Variants in APBA2 observed in about 807,000 individuals in gnomAD.
The protein encoded by APBA2 is amyloid beta precursor protein binding family A member 2, also known as amyloid-beta A4 precursor protein-binding family A member 2.
APBA2 carries 30 observed loss-of-function variants against 75.0 expected under a neutral mutation model. The ratio of observed to expected loss-of-function variants is 0.40; its 90% CI spans 0.30 to 0.54. APBA2 has a LOEUF of 0.54. APBA2 is among the 20% of genes least tolerant of loss of function. APBA2 has a pLI of 0.49. For synonymous variants in APBA2, 444 were observed against 409.6 expected (o/e 1.08, Z -1.01); for missense variants, 801 against 1,016.1 (o/e 0.79, Z 2.88).
intron 2 of APBA2, among the ~76,000 whole-genome samples, chr15:28,960,360 G>A: frequency 6.6e-6 from 1 of 151,896 alleles, no homozygotes; most frequent in Non-Finnish European, 1.5e-5. Flanking sequence ...GCTACTTAGA[G>A]GCTGAGGCAG....
At chr15:29,096,196 C>T (rs909614195) in intron 8 of APBA2, among the ~76,000 whole-genome samples, 1 of 152,234 alleles carries the variant, frequency 6.6e-6, no homozygotes, top group African/African-American at 2.4e-5. Context: ...CATCCACAGA[C>T]ATGCCGAGGC....
At chr15:29,068,564 C>A (rs1017876547) in intron 4 of APBA2, among the ~76,000 whole-genome samples, 4 of 152,226 alleles carry the variant, frequency 2.6e-5, no homozygotes, top group Admixed American at 2.6e-4. Context: ...ATGGGCGGAG[C>A]TCCCACCTTC....
chr15:29,091,201 A>C (rs2043553940), intron 6 of APBA2, among the ~76,000 whole-genome samples: 1 of 152,150 alleles, frequency 6.6e-6, no homozygotes, highest in South Asian at 2.1e-4. Flanking sequence ...CTCCAGGGCA[A>C]GGGGTGAATG....
At chr15:29,116,239 C>T (rs1008061449) in intron 14 of APBA2, among the ~76,000 whole-genome samples, 6 of 152,112 alleles carry the variant, frequency 3.9e-5, no homozygotes, top group African/African-American at 7.2e-5. Context: ...ATTTGCTCAC[C>T]GATCCCCAAA....
chr15:29,105,328 C>A, intron 10 of APBA2, 51 bp from the exon 11 acceptor site: 1 of 1,571,534 alleles, frequency 6.4e-7, no homozygotes, highest in Non-Finnish European at 8.6e-7. Context: ...GAGGAGGCTG[C>A]GGGGAGCCTG....
chr15:28,984,636 C>T (rs2037802207), intron 2 of APBA2, among the ~76,000 whole-genome samples: 1 of 151,868 alleles, frequency 6.6e-6, no homozygotes, highest in South Asian at 2.1e-4. Context: ...TCTGGGTGTC[C>T]CCCACTGCCA....
intron 8 of APBA2, 89 bp downstream of exon 8, chr15:29,094,402 G>A (rs1219239366): frequency 2.4e-5 from 31 of 1,268,596 alleles, no homozygotes; most frequent in Non-Finnish European, 3.3e-5. Flanking sequence ...GGGTTCCCCT[G>A]GGGATCTAAA....
intron 1 of APBA2, among the ~76,000 whole-genome samples, chr15:28,902,885 C>A (rs1019900056): frequency 6.6e-6 from 1 of 152,156 alleles, no homozygotes; most frequent in African/African-American, 2.4e-5. Flanking sequence ...CCCATGAAAA[C>A]TGGGGGGTAA....
At chr15:28,892,073 A>T (rs146514483) in intron 1 of APBA2, among the ~76,000 whole-genome samples, 70,006 of 150,762 alleles carry the variant, frequency 0.46, 16,455 homozygotes, top group African/African-American at 0.51. Flanking sequence ...GTTATATATA[A>T]TATATATATA....
At chr15:29,068,928 T>C (rs1202779612) in intron 4 of APBA2, among the ~76,000 whole-genome samples, 1 of 152,226 alleles carries the variant, frequency 6.6e-6, no homozygotes, top group Non-Finnish European at 1.5e-5. Flanking sequence ...TTTATCACAA[T>C]GTTGTGCAAC....
intron 3 of APBA2, among the ~76,000 whole-genome samples, chr15:29,028,961 TG>T (rs908223895): frequency 6.6e-6 from 1 of 152,228 alleles, no homozygotes; most frequent in Non-Finnish European, 1.5e-5. Context: ...GTGGGTTGCC[TG>T]TTTGCTGTGA....
intron 3 of APBA2, among the ~76,000 whole-genome samples, chr15:29,013,268 T>G (rs2039490442): frequency 6.7e-6 from 1 of 148,434 alleles, no homozygotes. Context: ...GGAAAATGAG[T>G]CATTCTTTTT....
rs1030091016 is a variant in APBA2, at chr15:29,076,065, T to C, written c.1043T>C (p.Val348Ala). The C allele has an allele frequency of 6.2e-7, 1 of 1,614,176 alleles. No individual in the cohort carries two copies. The change falls in exon 6 of 15, where the codon GTG becomes GCG. Residue 348 changes from valine (V) to alanine (A), a missense_variant. Physicochemically the swap from Val to Ala is moderately conservative, Grantham distance 64. Around this residue, in one of 2 missense-constraint regions of APBA2, gnomAD observed 434 missense variants for 471.6 expected, o/e 0.92. Transcript: ENST00000683413. ...DNNNIPETKKVASFPSFVAVP... is the reference protein window; with the variant it reads ...DNNNIPETKKAASFPSFVAVP... ...CATATTTCCTAACAGACAAAGAAGG[T>C]GGCATCATTTCCAAGTTTTGTGGCT...
intron 9 of APBA2, among the ~76,000 whole-genome samples, chr15:29,100,997 A>G (rs1459900284): frequency 2.0e-5 from 3 of 152,202 alleles, no homozygotes; most frequent in African/African-American, 7.2e-5. Context: ...GTGGTTCTCA[A>G]CCAGTGTGAT....
intron 2 of APBA2, among the ~76,000 whole-genome samples, chr15:28,923,160 T>C (rs2034067508): frequency 6.6e-6 from 1 of 152,154 alleles, no homozygotes; most frequent in South Asian, 2.1e-4. Flanking sequence ...TTTTAAGATG[T>C]CAAAGAGTTT....
intron 2 of APBA2, among the ~76,000 whole-genome samples, chr15:28,934,101 CG>C (rs1444806138): frequency 1.3e-5 from 2 of 149,926 alleles, no homozygotes; most frequent in Admixed American, 6.7e-5. Flanking sequence ...GGAGAAGAGA[CG>C]GGGGTGGAGG....
intron 3 of APBA2, among the ~76,000 whole-genome samples, chr15:29,031,073 G>A (rs1013307052): frequency 6.6e-6 from 1 of 151,612 alleles, no homozygotes; most frequent in African/African-American, 2.4e-5. Context: ...TGCCATATGA[G>A]CCTTCTTTTT....
chr15:28,892,115 C>CCCAGGCTGGAGTGCAGTGG (rs2032170804), intron 1 of APBA2, among the ~76,000 whole-genome samples: 2 of 152,268 alleles, frequency 1.3e-5, no homozygotes, highest in Non-Finnish European at 2.9e-5. Flanking sequence ...CGCCCTGTCA[C>CCCAGGCTGGAGTGCAGTGG]CCAGGCTGGA....
At chr15:29,106,538 C>A in intron 11 of APBA2, 69 bp from the exon 12 acceptor site, 1 of 1,555,214 alleles carries the variant, frequency 6.4e-7, no homozygotes. Context: ...GCCTCATCCT[C>A]CTGTGGGTCC....
Sources: allele counts gnomAD v4.1 joint callset (sites outside exome capture counted in the v4.1 genomes callset), GRCh38; gene constraint gnomAD v4.1.1; regional missense constraint gnomAD v4.1.1; transcripts MANE v1.5; gene names NCBI Gene and HGNC (gene_info 2026-07-23, HGNC 2026-07-21).